The following ESR2 variants were observed in gnomAD, a reference collection of about 807,000 sequenced individuals.
ESR2 encodes estrogen receptor 2.
A neutral mutation model predicts 49.6 loss-of-function variants in ESR2; 36 were observed. The ratio of observed to expected loss-of-function variants is 0.73; its 90% CI spans 0.56 to 0.96. The LOEUF is 0.96. Ranked by LOEUF, ESR2 falls within the 40% of genes least tolerant of loss-of-function variation. The pLI, the probability that ESR2 is intolerant of heterozygous loss-of-function variation, is 0.00. For missense variants in ESR2, 714 were observed against 693.0 expected, an observed-to-expected ratio of 1.03 and a Z score of -0.34; for synonymous variants, 320 against 266.1, an observed-to-expected ratio of 1.20 and a Z score of -1.97.
chr14:64,278,718 T>C (rs1363834648), intron 3 of ESR2, among the ~76,000 whole-genome samples: 2 of 151,568 alleles, frequency 1.3e-5, no homozygotes, highest in Non-Finnish European at 2.9e-5. Flanking sequence ...AGAGAAGGAG[T>C]GTAGCAAAGA....
chr14:64,278,444 T>TA (rs1049101470), intron 3 of ESR2, among the ~76,000 whole-genome samples: 3 of 152,204 alleles, frequency 2.0e-5, no homozygotes, highest in African/African-American at 7.2e-5. Context: ...CTGCTTAAGG[T>TA]AAAACATCCT....
upstream of ESR2, among the ~76,000 whole-genome samples, chr14:64,295,695 C>T (rs905849612): frequency 6.6e-6 from 1 of 152,116 alleles, no homozygotes; most frequent in Admixed American, 6.6e-5. Flanking sequence ...ACCCAGTCCC[C>T]ATATGCTCTT....
At chr14:64,266,897 C>G (rs1315223747) in intron 4 of ESR2, among the ~76,000 whole-genome samples, 2 of 152,122 alleles carry the variant, frequency 1.3e-5, no homozygotes, top group Non-Finnish European at 2.9e-5. Flanking sequence ...CTCCCCCCGC[C>G]CCCAGACAGA....
intron 2 of ESR2, 149 bp downstream of exon 2, chr14:64,282,475 C>G: frequency 1.3e-6 from 1 of 769,270 alleles, no homozygotes; most frequent in Non-Finnish European, 2.1e-6. Context: ...CAGAATAGAA[C>G]AGGGCATCCT....
chr14:64,332,799 C>CAA (rs1193703932), intron 1 of ESR2, among the ~76,000 whole-genome samples: 2 of 92,526 alleles, frequency 2.2e-5, no homozygotes, highest in Non-Finnish European at 4.5e-5. Context: ...GACTCCATCT[C>CAA]AAAAAAAAAA....
chr14:64,321,865 CACATAA>C (rs1236290116), intron 1 of ESR2, among the ~76,000 whole-genome samples: 2 of 151,980 alleles, frequency 1.3e-5, no homozygotes, highest in African/African-American at 4.8e-5. Context: ...ACATTGAATA[CACATAA>C]ACATAAAGGT....
chr14:64,292,341 C>A (rs1414776126), intron 1 of ESR2, among the ~76,000 whole-genome samples: 1 of 152,124 alleles, frequency 6.6e-6, no homozygotes, highest in Non-Finnish European at 1.5e-5. Flanking sequence ...GGTAGAGGTA[C>A]AAAGGGGACT....
At chr14:64,261,914 G>C (rs556793139) in intron 4 of ESR2, among the ~76,000 whole-genome samples, 1 of 151,236 alleles carries the variant, frequency 6.6e-6, no homozygotes, top group Non-Finnish European at 1.5e-5. Flanking sequence ...ACCATGCCCA[G>C]CTAACTTTTA....
At position 64,268,838 on chromosome 14, in the gene ESR2, G is replaced by T. The variant is rs761261331; in HGVS notation, c.609C>A (p.Ala203=). ...CTTCGTAACACTTCCGAAGTCGGCAGGCCTGGCAGCTCTTGCGCCGGTTTT... is the reference window on the plus strand; with the variant it reads ...CTTCGTAACACTTCCGAAGTCGGCATGCCTGGCAGCTCTTGCGCCGGTTTT... ...IDKNRRKSCQ[A]CRLRKCYEVG... Residue 203 remains alanine (A), a synonymous_variant, in exon 4 of 9, where the codon GCC becomes GCA. Transcript: ENST00000341099. 9.3e-6 allele frequency: 15 copies of T among 1,613,772 alleles called. No individual in the cohort carries two copies. Among genetic ancestry groups the T allele is most frequent in the Non-Finnish European group, 1.2e-5 (14 of 1,179,776 alleles).
chr14:64,338,284 G>A, upstream of ESR2: 1 of 155,756 alleles, frequency 6.4e-6, no homozygotes, highest in Middle Eastern at 5.2e-4. Flanking sequence ...CAGCTCGGCA[G>A]GGCCTGAAAC....
downstream of ESR2, chr14:64,227,708 C>T: frequency 1.9e-6 from 3 of 1,596,086 alleles, no homozygotes; most frequent in Admixed American, 5.2e-5. Flanking sequence ...ATTTTTGTCT[C>T]TTCCTCAGGA....
At chr14:64,293,599 C>G (rs536101950) in intron 1 of ESR2, among the ~76,000 whole-genome samples, 1 of 152,150 alleles carries the variant, frequency 6.6e-6, no homozygotes, top group Admixed American at 6.5e-5. Flanking sequence ...AAAGGAGGAA[C>G]GCAGCTTGCT....
At chr14:64,244,262 T>C (rs1163866799) in intron 7 of ESR2, among the ~76,000 whole-genome samples, 1 of 151,908 alleles carries the variant, frequency 6.6e-6, no homozygotes, top group African/African-American at 2.4e-5. Flanking sequence ...TAGCCAGGCG[T>C]GGTGGCAGAT....
chr14:64,274,490 C>A (rs964640534), intron 3 of ESR2, among the ~76,000 whole-genome samples: 39 of 151,556 alleles, frequency 2.6e-4, no homozygotes, highest in African/African-American at 9.2e-4. Flanking sequence ...ACTCTTCTAT[C>A]TTTTTTTTAA....
chr14:64,288,595 G>A (rs1015251330), intron 1 of ESR2, among the ~76,000 whole-genome samples: 12 of 151,984 alleles, frequency 7.9e-5, no homozygotes, highest in Middle Eastern at 3.4e-3. Context: ...TGACCCGCCC[G>A]CCTTGGGCTC....
chr14:64,243,242 A>G (rs2075775838), intron 7 of ESR2, among the ~76,000 whole-genome samples: 1 of 152,216 alleles, frequency 6.6e-6, no homozygotes, highest in Admixed American at 6.5e-5. Flanking sequence ...ACACAAATTT[A>G]TAGGTTAAGT....
chr14:64,273,420 T>G (rs1029982682), intron 3 of ESR2, among the ~76,000 whole-genome samples: 4 of 152,196 alleles, frequency 2.6e-5, no homozygotes. Flanking sequence ...TTTTTCTCCA[T>G]TAAGTGTGAT....
At chr14:64,284,850 C>CTTT (rs780694583) in intron 1 of ESR2, among the ~76,000 whole-genome samples, 6 of 139,612 alleles carry the variant, frequency 4.3e-5, no homozygotes, top group African/African-American at 1.1e-4. Context: ...TATCGCATTA[C>CTTT]TTTTTTTTTT....
At position 64,260,527 on chromosome 14, in the gene ESR2, C is replaced by T. The variant is rs765919886; in HGVS notation, c.874G>A (p.Ala292Thr). 12 of 1,560,092 alleles carry T rather than the reference C, an allele frequency of 7.7e-6. No individual in the cohort carries two copies. Among genetic ancestry groups the T allele is most frequent in the Admixed American group, 5.8e-5 (3 of 51,338 alleles). Residue 292 changes from alanine (A) to threonine (T), a missense_variant, in exon 5 of 9, where the codon GCC (alanine) becomes ACC (threonine). Ala to Thr is a moderately conservative substitution (Grantham distance 58). Transcript: ENST00000341099. ...ISRPSAPFTEASMMMSLTKLA... is the reference protein window; with the variant it reads ...ISRPSAPFTETSMMMSLTKLA... ...TTGGTCAGGGACATCATCATGGAGGCCTCGGTGAAGGGCGCACTGGGGCGG... is the reference window on the plus strand; with the variant it reads ...TTGGTCAGGGACATCATCATGGAGGTCTCGGTGAAGGGCGCACTGGGGCGG...
Sources: gnomAD v4.1 joint callset for allele counts (sites outside exome capture counted in the v4.1 genomes callset) on GRCh38, gnomAD v4.1.1 for gene constraint, MANE v1.5 for transcripts, NCBI Gene and HGNC (gene_info 2026-07-23, HGNC 2026-07-21) for gene names.